The following MAML3 variants were observed in gnomAD, a reference collection of about 807,000 sequenced individuals.
MAML3 encodes mastermind like transcriptional coactivator 3, also known as mastermind-like protein 3.
MAML3 carries 27 observed loss-of-function variants against 101.9 expected under a neutral mutation model. The observed-to-expected ratio is 0.27, with a 90% confidence interval of 0.20 to 0.37. MAML3 has a LOEUF of 0.37. Ranked by LOEUF, MAML3 falls within the 10% of genes least tolerant of loss-of-function variation. MAML3 has a pLI of 1.00. For synonymous variants in MAML3, 501 were observed against 555.9 expected (o/e 0.90, Z 1.39); for missense variants, 1,316 against 1,444.9 (o/e 0.91, Z 1.45).
Position 139,903,478 on chromosome 4 carries a change from C to T in MAML3, c.469-12511G>A, listed in dbSNP as rs1483720024. 2.0e-5 allele frequency among the ~76,000 whole-genome samples: 3 copies of T among 152,200 alleles called. No homozygotes were observed. In the East Asian group the frequency reaches 5.8e-4, roughly 29 times the overall value. On this transcript the variant is annotated intron_variant, in intron 1 of 4. Coordinates refer to ENST00000509479, the MANE Select transcript of MAML3 (RefSeq NM_018717.5). ...GGACGGCAATGTAGCAGTCTACGTC[C>T]AGTCTAGGGATACACAAAGGTGGTA...
At chr4:139,808,221 C>T (rs1225529922) in intron 2 of MAML3, among the ~76,000 whole-genome samples, 3 of 152,238 alleles carry the variant, frequency 2.0e-5, no homozygotes, top group African/African-American at 7.2e-5. Flanking sequence ...ATCCATCTAT[C>T]CATTCATGTA....
intron 1 of MAML3, among the ~76,000 whole-genome samples, chr4:140,096,351 G>T (rs1181679987): frequency 6.6e-6 from 1 of 152,148 alleles, no homozygotes; most frequent in Non-Finnish European, 1.5e-5. Flanking sequence ...GTCACAGAAT[G>T]ACAGCTCATT....
intron 1 of MAML3, among the ~76,000 whole-genome samples, chr4:140,064,769 C>T (rs916142309): frequency 1.3e-5 from 2 of 152,162 alleles, no homozygotes; most frequent in Admixed American, 6.6e-5. Context: ...AGCAAATCAC[C>T]ACTTCTCTCT....
intron 1 of MAML3, among the ~76,000 whole-genome samples, chr4:139,959,775 G>A (rs1387918933): frequency 6.6e-6 from 1 of 152,126 alleles, no homozygotes; most frequent in Non-Finnish European, 1.5e-5. Flanking sequence ...TGTTTGAGGG[G>A]CAGATTTATG....
intron 1 of MAML3, among the ~76,000 whole-genome samples, chr4:140,143,606 C>A (rs189934842): frequency 0.037 from 5,659 of 152,126 alleles, 309 homozygotes; most frequent in African/African-American, 0.13. Flanking sequence ...ACTAAAAATA[C>A]AAAAATTAGC....
chr4:139,881,202 G>C (rs920142461), intron 2 of MAML3, among the ~76,000 whole-genome samples: 1 of 152,166 alleles, frequency 6.6e-6, no homozygotes, highest in Non-Finnish European at 1.5e-5. Flanking sequence ...CCTCAGACAA[G>C]AAGAAGGCGG....
chr4:140,070,072 C>T (rs1727621049), intron 1 of MAML3, among the ~76,000 whole-genome samples: 1 of 152,014 alleles, frequency 6.6e-6, no homozygotes, highest in Admixed American at 6.6e-5. Flanking sequence ...GCCAAGATCA[C>T]ACCACTGCAC....
At chr4:139,862,777 G>C (rs1731807362) in intron 2 of MAML3, among the ~76,000 whole-genome samples, 1 of 152,158 alleles carries the variant, frequency 6.6e-6, no homozygotes, top group Non-Finnish European at 1.5e-5. Flanking sequence ...ACTAGAATAG[G>C]ACTCTGGAGA....
At chr4:139,958,448 G>A (rs796833438) in intron 1 of MAML3, among the ~76,000 whole-genome samples, 37 of 152,288 alleles carry the variant, frequency 2.4e-4, no homozygotes, top group African/African-American at 8.2e-4. Context: ...CAGGAAAGAT[G>A]AGACAGATAG....
intron 2 of MAML3, among the ~76,000 whole-genome samples, chr4:139,811,045 T>C (rs529753186): frequency 9.2e-5 from 14 of 152,214 alleles, no homozygotes; most frequent in Non-Finnish European, 1.6e-4. Context: ...AGCATGAGGA[T>C]AAAAGCCATG....
At chr4:139,878,825 C>T (rs1369818708) in intron 2 of MAML3, among the ~76,000 whole-genome samples, 1 of 152,192 alleles carries the variant, frequency 6.6e-6, no homozygotes, top group Non-Finnish European at 1.5e-5. Context: ...CTGAGGAGAA[C>T]AGCCCGAAAG....
At chr4:139,960,262 T>C (rs1257470428) in intron 1 of MAML3, among the ~76,000 whole-genome samples, 1 of 152,210 alleles carries the variant, frequency 6.6e-6, no homozygotes, top group East Asian at 1.9e-4. Flanking sequence ...TTTCATTGTG[T>C]CAAAGAAGGA....
intron 2 of MAML3, among the ~76,000 whole-genome samples, chr4:139,783,745 C>T (rs536786075): frequency 6.6e-6 from 1 of 152,274 alleles, no homozygotes; most frequent in Non-Finnish European, 1.5e-5. Context: ...TAACTTGTGG[C>T]CCCTTGGAAA....
intron 1 of MAML3, among the ~76,000 whole-genome samples, chr4:140,035,342 C>T (rs765888564): frequency 4.6e-5 from 7 of 152,098 alleles, no homozygotes; most frequent in African/African-American, 9.7e-5. Flanking sequence ...GTGAAATCAA[C>T]GGAGTCCTTT....
intron 1 of MAML3, among the ~76,000 whole-genome samples, chr4:140,084,814 AACACAT>A: frequency 6.6e-6 from 1 of 152,342 alleles, no homozygotes; most frequent in Non-Finnish European, 1.5e-5. Context: ...AAATGACTTG[AACACAT>A]TGTGTTCAAG....
intron 1 of MAML3, among the ~76,000 whole-genome samples, chr4:140,028,935 C>A (rs1444009643): frequency 6.6e-6 from 1 of 152,018 alleles, no homozygotes. Context: ...CCTTTTTTTC[C>A]TTCTATTTTT....
chr4:139,936,303 C>T (rs1407479122), intron 1 of MAML3, among the ~76,000 whole-genome samples: 6 of 152,162 alleles, frequency 3.9e-5, no homozygotes. Flanking sequence ...TCGATGGATA[C>T]TTAAGCTGAT....
chr4:139,926,971 C>T (rs1382553498), intron 1 of MAML3, among the ~76,000 whole-genome samples: 1 of 152,190 alleles, frequency 6.6e-6, no homozygotes, highest in Non-Finnish European at 1.5e-5. Context: ...TCAGTCTTTC[C>T]TTGCCTTTCT....
chr4:140,132,726 T>A (rs969086943), intron 1 of MAML3, among the ~76,000 whole-genome samples: 1 of 152,224 alleles, frequency 6.6e-6, no homozygotes, highest in Non-Finnish European at 1.5e-5. Flanking sequence ...AAACATTTGT[T>A]CACTGTTCTG....
Sources: gnomAD v4.1 joint callset for allele counts (sites outside exome capture counted in the v4.1 genomes callset) on GRCh38, gnomAD v4.1.1 for gene constraint, MANE v1.5 for transcripts, NCBI Gene and HGNC (gene_info 2026-07-23, HGNC 2026-07-21) for gene names.